The following AP3S2 variants were observed in gnomAD, a reference collection of about 807,000 sequenced individuals.
The protein encoded by AP3S2 is adaptor related protein complex 3 subunit sigma 2, also known as AP-3 complex subunit sigma-2.
AP3S2 carries 22 observed loss-of-function variants against 23.4 expected under a neutral mutation model. The observed-to-expected ratio is 0.94, with a 90% CI of 0.67 to 1.34. AP3S2 has a LOEUF of 1.34. AP3S2 is among the 40% of genes most tolerant of loss of function. The probability of loss-of-function intolerance (pLI) is 0.00; values close to 1 mark genes in which losing one functional copy is unlikely to be tolerated. For synonymous variants in AP3S2, 86 were observed against 87.1 expected (o/e 0.99, Z 0.07); for missense variants, 241 against 236.9 (o/e 1.02, Z -0.11).
At chr15:89,853,063 ATCAC>A (rs1895698544) in intron 4 of AP3S2, among the ~76,000 whole-genome samples, 1 of 152,168 alleles carries the variant, frequency 6.6e-6, no homozygotes, top group Non-Finnish European at 1.5e-5. Context: ...ACTTCCCTCA[ATCAC>A]TCAGTGTCAC....
At chr15:89,848,594 T>C (rs1211574596) in intron 4 of AP3S2, 1 of 152,318 alleles carries the variant, frequency 6.6e-6, no homozygotes, top group Admixed American at 6.5e-5. Context: ...TCTCCTGACC[T>C]TGTGATCCGC....
chr15:89,881,762 T>C (rs1164327295), intron 3 of AP3S2, among the ~76,000 whole-genome samples: 1 of 152,008 alleles, frequency 6.6e-6, no homozygotes, highest in East Asian at 1.9e-4. Flanking sequence ...ATTTCAGTAC[T>C]GGAGTTACAA....
Position 89,831,160 on chromosome 15 carries a change from TG to T in AP3S2, c.*4354del, listed in dbSNP as rs1156542858. 6.6e-6 allele frequency: 1 copy of T among 152,238 alleles called. No homozygotes were observed. The highest frequency in any genetic ancestry group is 1.5e-5 in the Non-Finnish European group (1 of 68,038). 9.4% of individuals were successfully genotyped at this position (152,238 alleles called of 1,614,324 possible). On this transcript the variant is annotated 3_prime_UTR_variant, in exon 6 of 6. Coordinates refer to ENST00000336418, the MANE Select transcript of AP3S2 (RefSeq NM_005829.5). ...TTTTGGAAAGAATTAATCATTTTCA[TG>T]GAACTGCTTCCCTATAGGGGCCTGT...
At chr15:89,865,235 A>G (rs1394398582) in intron 4 of AP3S2, among the ~76,000 whole-genome samples, 7 of 151,894 alleles carry the variant, frequency 4.6e-5, no homozygotes, top group African/African-American at 1.5e-4. Context: ...AATGGAATAT[A>G]TATATATATA....
At chr15:89,892,788 T>C (rs1342287187) in intron 1 of AP3S2, among the ~76,000 whole-genome samples, 1 of 152,216 alleles carries the variant, frequency 6.6e-6, no homozygotes, top group Non-Finnish European at 1.5e-5. Flanking sequence ...CTCAGCCTCC[T>C]GAGTAGCTGG....
intron 4 of AP3S2, among the ~76,000 whole-genome samples, chr15:89,868,628 G>C (rs1403806139): frequency 8.7e-6 from 1 of 114,460 alleles, no homozygotes; most frequent in African/African-American, 3.4e-5. Flanking sequence ...GCCTCTGCCC[G>C]GCCGCCCCTA....
At chr15:89,846,557 C>T (rs1375624928) in intron 4 of AP3S2, among the ~76,000 whole-genome samples, 1 of 151,742 alleles carries the variant, frequency 6.6e-6, no homozygotes, top group Non-Finnish European at 1.5e-5. Flanking sequence ...GACGGAGTCT[C>T]GCTCTGTGGC....
intron 4 of AP3S2, among the ~76,000 whole-genome samples, chr15:89,858,171 C>G (rs1286999594): frequency 1.3e-5 from 2 of 152,032 alleles, no homozygotes; most frequent in Admixed American, 1.3e-4. Flanking sequence ...GGTGTGGTGG[C>G]TCACACCTGC....
chr15:89,837,075 C>A lies in AP3S2; in HGVS notation c.453+540G>T, dbSNP rs146089516. 5.3e-4 allele frequency among the ~76,000 whole-genome samples: 80 copies of A among 152,318 alleles called. No homozygotes were observed. The Middle Eastern group carries it at 0.01, about 19-fold the overall frequency. On this transcript the variant is annotated intron_variant, in intron 5 of 5. Coordinates refer to ENST00000336418, the MANE Select transcript of AP3S2 (RefSeq NM_005829.5). ...AATTTATGTGAACATCTCTATCAAGCCCAGCACCATGTGGGGGTGGACTGG... is the reference window on the plus strand; with the variant it reads ...AATTTATGTGAACATCTCTATCAAGACCAGCACCATGTGGGGGTGGACTGG...
At chr15:89,842,674 G>A (rs372718462) in intron 4 of AP3S2, among the ~76,000 whole-genome samples, 5 of 152,304 alleles carry the variant, frequency 3.3e-5, no homozygotes, top group South Asian at 2.1e-4. Context: ...GTGCAGTGGC[G>A]CGATCTCGGC....
At chr15:89,892,796 T>C (rs1049885924) in intron 1 of AP3S2, among the ~76,000 whole-genome samples, 2 of 152,220 alleles carry the variant, frequency 1.3e-5, no homozygotes, top group African/African-American at 4.8e-5. Context: ...CCTGAGTAGC[T>C]GGGACTTGGA....
chr15:89,867,936 C>CCCGCCCGG (rs1473624598), intron 4 of AP3S2, among the ~76,000 whole-genome samples: 30 of 147,800 alleles, frequency 2.0e-4, no homozygotes, highest in African/African-American at 5.7e-4. Flanking sequence ...GGGTCAGCCC[C>CCCGCCCGG]CCACCCGGCC....
intron 3 of AP3S2, among the ~76,000 whole-genome samples, chr15:89,880,489 A>G (rs572645660): frequency 1.3e-5 from 2 of 152,200 alleles, no homozygotes; most frequent in African/African-American, 4.8e-5. Context: ...CCTGGTCAAC[A>G]TGGTGAAACC....
At chr15:89,839,388 C>T (rs12438019) in intron 4 of AP3S2, among the ~76,000 whole-genome samples, 56,616 of 152,152 alleles carry the variant, frequency 0.37, 12,382 homozygotes, top group Non-Finnish European at 0.5. Flanking sequence ...GTTCTGTCTA[C>T]ACACACGCAC....
intron 4 of AP3S2, among the ~76,000 whole-genome samples, chr15:89,863,606 T>G (rs1896054785): frequency 6.6e-6 from 1 of 151,848 alleles, no homozygotes; most frequent in Admixed American, 6.6e-5. Context: ...ACTTAGGAGG[T>G]TAAACAAGAA....
intron 3 of AP3S2, among the ~76,000 whole-genome samples, chr15:89,879,823 G>A (rs1484310169): frequency 6.6e-6 from 1 of 152,028 alleles, no homozygotes; most frequent in South Asian, 2.1e-4. Context: ...GGCCAGGCTG[G>A]TCTTGAACTC....
intron 4 of AP3S2, among the ~76,000 whole-genome samples, chr15:89,854,129 GC>G (rs1166953646): frequency 9.0e-5 from 4 of 44,436 alleles, no homozygotes; most frequent in Non-Finnish European, 1.8e-4. Context: ...GGGGGGGTCA[GC>G]CCCCCGCCTG....
chr15:89,889,071 A>T lies in AP3S2; in HGVS notation c.139T>A (p.Cys47Ser). The T allele has an allele frequency of 6.2e-7, 1 of 1,614,218 alleles. No individual in the cohort carries two copies. Among genetic ancestry groups the T allele is most frequent in the Middle Eastern group, 1.6e-4 (1 of 6,062 alleles). ...HLVLKRDDNI[C>S]NFLEGGSLIG... ...TACCTTCCACCCTCCAAGAAGTTAC[A>T]GATGTTGTCATCCCGCTTGAGGACT... Residue 47 changes from cysteine to serine, a missense_variant, in exon 2 of 6, where the codon TGT (cysteine) becomes AGT (serine). By Grantham distance (112) the Cys-to-Ser change is moderately radical. Transcript: ENST00000336418.
intron 3 of AP3S2, chr15:89,884,085 C>G (rs1896637004): frequency 6.5e-6 from 1 of 154,016 alleles, no homozygotes. Flanking sequence ...CCTCTGAATT[C>G]TGAACCACAT....
Sources: allele counts gnomAD v4.1 joint callset (sites outside exome capture counted in the v4.1 genomes callset), GRCh38; gene constraint gnomAD v4.1.1; transcripts MANE v1.5; gene names NCBI Gene and HGNC (gene_info 2026-07-23, HGNC 2026-07-21).